Variants in AMTN observed in about 807,000 individuals in gnomAD.
AMTN encodes the protein RSTI689.
AMTN carries 29 observed loss-of-function variants against 27.4 expected under a neutral mutation model. The ratio of observed to expected loss-of-function variants is 1.06; its 90% confidence interval spans 0.79 to 1.44. The LOEUF (loss-of-function observed/expected upper bound fraction) is 1.44, where lower values mean the gene tolerates loss of function less well. AMTN is among the 40% of genes most tolerant of loss of function. The pLI is 0.00. For synonymous variants in AMTN, 86 were observed against 95.7 expected (o/e 0.90, Z 0.59); for missense variants, 247 against 248.8 (o/e 0.99, Z 0.05).
chr4:70,524,482 C>T (rs190546920), intron 4 of AMTN, among the ~76,000 whole-genome samples: 38 of 152,162 alleles, frequency 2.5e-4, no homozygotes, highest in African/African-American at 9.2e-4. Context: ...TAGTCTGAAC[C>T]TCATAATTTT....
intron 2 of AMTN, among the ~76,000 whole-genome samples, chr4:70,520,352 G>T (rs28530744): frequency 0.91 from 138,649 of 152,254 alleles, 63,308 homozygotes; most frequent in African/African-American, 0.96. Flanking sequence ...GTAAATGAAT[G>T]TATTGAGTTA....
At chr4:70,523,548 C>A (rs115515088) in intron 3 of AMTN, among the ~76,000 whole-genome samples, 3,363 of 152,198 alleles carry the variant, frequency 0.022, 48 homozygotes, top group Non-Finnish European at 0.034. Flanking sequence ...AATTTGGGAA[C>A]CTTCTTTAAG....
At chr4:70,518,692 T>C (rs1377082689) in intron 1 of AMTN, 38 bp downstream of exon 1, 5 of 1,114,864 alleles carry the variant, frequency 4.5e-6, no homozygotes, top group Admixed American at 3.6e-5. Context: ...AGAACTTTTG[T>C]TTTTAAAGTA....
chr4:70,522,001 G>A (rs2109769729), intron 2 of AMTN, among the ~76,000 whole-genome samples: 1 of 152,256 alleles, frequency 6.6e-6, no homozygotes, highest in East Asian at 1.9e-4. Flanking sequence ...GATGACTCAA[G>A]GGCTGGTGCA....
rs1736221818 is a variant in AMTN, at chr4:70,531,420, T to C, written c.619+120T>C. 9.8e-6 allele frequency: 13 copies of C among 1,321,800 alleles called. No individual in the cohort carries two copies. The East Asian group carries it at 2.4e-4, about 24-fold the overall frequency. The allele number at this position is 1,321,800 out of a possible 1,614,324, so 81.9% of individuals were successfully genotyped here. A position where few individuals can be genotyped will look rare whatever the true frequency, so the allele number is the denominator to read the frequency against. On this transcript the variant is annotated intron_variant, in intron 8 of 8. Coordinates refer to ENST00000339336, the MANE Select transcript of AMTN (RefSeq NM_212557.4). ...ATCTTAGTAAGATTAGGAAGCCCCT[T>C]TACTCACTCACAGTTAACTCCAGCA...
chr4:70,529,760 C>T (rs1475778626), intron 7 of AMTN, among the ~76,000 whole-genome samples: 1 of 152,024 alleles, frequency 6.6e-6, no homozygotes, highest in African/African-American at 2.4e-5. Flanking sequence ...GAGAAAAGGA[C>T]TTGAATTAAC....
intron 2 of AMTN, among the ~76,000 whole-genome samples, chr4:70,521,745 G>A (rs746412943): frequency 1.1e-4 from 15 of 135,868 alleles, no homozygotes; most frequent in African/African-American, 2.8e-4. Flanking sequence ...TCAACCTCCC[G>A]AGTAGCTGGG....
intron 7 of AMTN, 116 bp from the exon 8 acceptor site, chr4:70,530,923 C>A: frequency 1.4e-6 from 2 of 1,399,970 alleles, no homozygotes; most frequent in Non-Finnish European, 1.9e-6. Flanking sequence ...TCTTTGCTGT[C>A]TTCTCTGACT....
chr4:70,525,344 G>T (rs1736079480), intron 5 of AMTN, among the ~76,000 whole-genome samples: 1 of 152,102 alleles, frequency 6.6e-6, no homozygotes, highest in Admixed American at 6.5e-5. Context: ...AAATTAAGAG[G>T]TGGATAAAGT....
At chr4:70,527,556 T>A (rs1206566971) in intron 5 of AMTN, among the ~76,000 whole-genome samples, 1 of 152,192 alleles carries the variant, frequency 6.6e-6, no homozygotes, top group African/African-American at 2.4e-5. Flanking sequence ...TTTTAATAAA[T>A]GTACGTAATT....
At chr4:70,524,470 T>C (rs1736052225) in intron 4 of AMTN, among the ~76,000 whole-genome samples, 1 of 152,228 alleles carries the variant, frequency 6.6e-6, no homozygotes, top group Non-Finnish European at 1.5e-5. Context: ...AGACAAAATA[T>C]GTAGTCTGAA....
chr4:70,532,582 A>AGAATTAAT lies in AMTN; in HGVS notation c.*117_*118insGAATTAAT. ...CATTGGATAGTCTTAGAAGAAATTA[A>AGAATTAAT]TTCTTAATTTACCTGAAAATATTCT... On this transcript the variant is annotated 3_prime_UTR_variant, in exon 9 of 9. Coordinates refer to ENST00000339336, the MANE Select transcript of AMTN (RefSeq NM_212557.4). 1.1e-6 allele frequency: 1 copy of AGAATTAAT among 934,386 alleles called. No individual in the cohort carries two copies. The highest frequency in any genetic ancestry group is 1.6e-6 in the Non-Finnish European group (1 of 622,232). 57.9% of individuals were successfully genotyped at this position (934,386 alleles called of 1,614,324 possible). A position where few individuals can be genotyped will look rare whatever the true frequency, so the allele number is the denominator to read the frequency against.
rs1279252584 is a variant in AMTN, at chr4:70,531,250, T to C, written c.569T>C (p.Ile190Thr). Residue 190 changes from isoleucine to threonine, a missense_variant, in exon 8 of 9, where the codon ATC becomes ACC. Ile to Thr is a moderately conservative substitution (Grantham distance 89, BLOSUM62 -1). Transcript: ENST00000339336. ...TTTGCAGTGACCACCCCTGCAGGCA[T>C]CCAAAGGAGCACACATGCCATCGAG... Reference protein sequence around the residue: ...DDFAVTTPAGIQRSTHAIEEA... With the variant: ...DDFAVTTPAGTQRSTHAIEEA... 1.2e-6 allele frequency: 2 copies of C among 1,613,956 alleles called. No homozygotes were observed. The highest frequency in any genetic ancestry group is 1.7e-6 in the Non-Finnish European group (2 of 1,179,942).
chr4:70,520,899 A>G (rs1417887924), intron 2 of AMTN, among the ~76,000 whole-genome samples: 2 of 152,192 alleles, frequency 1.3e-5, no homozygotes, highest in Non-Finnish European at 2.9e-5. Flanking sequence ...CATTCCAGAC[A>G]GAGGGAACAG....
chr4:70,527,368 T>C (rs532581143), intron 5 of AMTN, among the ~76,000 whole-genome samples: 1 of 152,234 alleles, frequency 6.6e-6, no homozygotes, highest in Non-Finnish European at 1.5e-5. Context: ...CCTCTTTTTA[T>C]CTTTTTGTTC....
chr4:70,523,996 A>C (rs1339386008), intron 4 of AMTN, 63 bp downstream of exon 4: 2 of 1,375,612 alleles, frequency 1.5e-6, no homozygotes, highest in Non-Finnish European at 2.1e-6. Flanking sequence ...CTAATATTAC[A>C]GTGGGGGGAG....
intron 5 of AMTN, among the ~76,000 whole-genome samples, chr4:70,528,373 G>A (rs539568962): frequency 9.3e-4 from 142 of 152,180 alleles, no homozygotes; most frequent in Non-Finnish European, 1.9e-3. Flanking sequence ...ATCAATGGCC[G>A]GGCGAGGTGG....
At chr4:70,523,016 T>A (rs1037766671) in intron 3 of AMTN, among the ~76,000 whole-genome samples, 178 bp downstream of exon 3, 2 of 152,248 alleles carry the variant, frequency 1.3e-5, no homozygotes, top group African/African-American at 4.8e-5. Flanking sequence ...AGAACCGATA[T>A]AATTTTCTGA....
At chr4:70,530,552 C>T (rs1169564936) in intron 7 of AMTN, among the ~76,000 whole-genome samples, 1 of 152,160 alleles carries the variant, frequency 6.6e-6, no homozygotes, top group Non-Finnish European at 1.5e-5. Flanking sequence ...CCTGCTCGAT[C>T]AGAATCTCTC....
Sources: allele counts gnomAD v4.1 joint callset (sites outside exome capture counted in the v4.1 genomes callset), GRCh38; gene constraint gnomAD v4.1.1; transcripts MANE v1.5; gene names NCBI Gene and HGNC (gene_info 2026-07-23, HGNC 2026-07-21).